TTC39C: variants seen among roughly 807,000 people sequenced by gnomAD.
TTC39C encodes the protein tetratricopeptide repeat protein 39C.
In TTC39C, 33 loss-of-function variants were observed where a neutral mutation model predicts 76.3. The ratio of observed to expected loss-of-function variants is 0.43; its 90% CI spans 0.33 to 0.58. The LOEUF (loss-of-function observed/expected upper bound fraction) is 0.58, where lower values mean the gene tolerates loss of function less well. Ranked by LOEUF, TTC39C falls within the 20% of genes least tolerant of loss-of-function variation. TTC39C has a pLI of 0.04. For missense variants in TTC39C, 595 were observed against 701.4 expected, an observed-to-expected ratio of 0.85 and a Z score of 1.71; for synonymous variants, 254 against 260.6, an observed-to-expected ratio of 0.97 and a Z score of 0.24.
chr18:24,041,537 G>A (rs919703755), intron 1 of TTC39C, among the ~76,000 whole-genome samples: 2 of 152,146 alleles, frequency 1.3e-5, no homozygotes, highest in Non-Finnish European at 2.9e-5. Context: ...CCTGGTTCAT[G>A]GTCTTTCAGG....
At chr18:24,021,263 C>G (rs572868911) in intron 1 of TTC39C, among the ~76,000 whole-genome samples, 2 of 152,136 alleles carry the variant, frequency 1.3e-5, no homozygotes, top group Non-Finnish European at 2.9e-5. Context: ...AAGAACTGGT[C>G]CCTGTCCTAC....
intron 1 of TTC39C, among the ~76,000 whole-genome samples, chr18:24,029,538 A>G (rs778141188): frequency 6.6e-6 from 1 of 152,360 alleles, no homozygotes; most frequent in Non-Finnish European, 1.5e-5. Flanking sequence ...TTTTGGGGGA[A>G]CAGGTAGTGT....
At chr18:24,130,956 G>A (rs924488303) in intron 12 of TTC39C, among the ~76,000 whole-genome samples, 3 of 139,552 alleles carry the variant, frequency 2.1e-5, no homozygotes, top group African/African-American at 7.9e-5. Context: ...GGCTGAGGTG[G>A]GAGTATCACT....
intron 6 of TTC39C, among the ~76,000 whole-genome samples, chr18:24,098,498 ATCCTC>A (rs2084624236): frequency 2.5e-5 from 1 of 40,046 alleles, no homozygotes; most frequent in Non-Finnish European, 4.3e-5. Context: ...CTCCTCTCCT[ATCCTC>A]TCCTCTCCCC....
chr18:24,099,986 C>T (rs7243626), intron 6 of TTC39C, among the ~76,000 whole-genome samples: 31,487 of 151,940 alleles, frequency 0.21, 4,145 homozygotes, highest in African/African-American at 0.37. Flanking sequence ...TTTGGATTAT[C>T]ATATTGGTTT....
chr18:24,004,730 G>A (rs900970088), intron 1 of TTC39C, among the ~76,000 whole-genome samples: 2 of 152,156 alleles, frequency 1.3e-5, no homozygotes, highest in Non-Finnish European at 2.9e-5. Context: ...GATTTACCAT[G>A]AAAATCATGC....
chr18:24,050,377 T>C (rs2083932642), intron 1 of TTC39C, among the ~76,000 whole-genome samples: 1 of 149,242 alleles, frequency 6.7e-6, no homozygotes, highest in Non-Finnish European at 1.5e-5. Context: ...CAAGGCCAGC[T>C]TGGACAACAC....
At chr18:24,019,865 G>GT (rs1568406691) in intron 1 of TTC39C, 1 of 1,526,956 alleles carries the variant, frequency 6.5e-7, no homozygotes, top group Admixed American at 2.1e-5. Flanking sequence ...TACAGAAAAA[G>GT]TTTTTTGACT....
intron 1 of TTC39C, chr18:24,020,014 A>G (rs1454710559): frequency 7.0e-7 from 1 of 1,425,716 alleles, no homozygotes. Context: ...CAGGCTGTCC[A>G]TGATTTCTAG....
intron 7 of TTC39C, 75 bp from the exon 8 acceptor site, chr18:24,118,050 A>T: frequency 8.7e-7 from 1 of 1,144,668 alleles, no homozygotes; most frequent in Non-Finnish European, 1.2e-6. Context: ...TCGCCATATC[A>T]GAGGCTCGTG....
At chr18:24,127,640 C>T (rs887076313) in intron 10 of TTC39C, among the ~76,000 whole-genome samples, 9 of 152,112 alleles carry the variant, frequency 5.9e-5, no homozygotes, top group Admixed American at 2.0e-4. Flanking sequence ...CCTCAGCCTC[C>T]TGAGTAGCTG....
At chr18:24,118,034 G>A (rs1156451662) in intron 7 of TTC39C, 91 bp from the exon 8 acceptor site, 4 of 945,172 alleles carry the variant, frequency 4.2e-6, no homozygotes, top group Non-Finnish European at 6.3e-6. Context: ...CATGCACAGA[G>A]AATGATCGCC....
At position 24,014,942 on chromosome 18, in the gene TTC39C, C is replaced by T; in HGVS notation, c.71C>T (p.Ala24Val). ...DGDSDAAAAA[A>V]APLQDAELAL... is the part of the protein sequence containing the mutation. ...GACTCGGACGCGGCAGCGGCGGCGG[C>T]GGCGCCCCTGCAGGACGCGGAGCTG... The change falls in exon 1 of 14, where the codon GCG (alanine) becomes GTG (valine). Residue 24 changes from alanine to valine, a missense_variant. Physicochemically the swap from Ala to Val is moderately conservative, Grantham distance 64. Coordinates refer to ENST00000317571, the MANE Select transcript of TTC39C (RefSeq NM_001135993.2). The T allele has an allele frequency of 2.0e-6, 3 of 1,525,952 alleles. No homozygotes were observed. The highest frequency in any genetic ancestry group is 2.5e-5 in the South Asian group (2 of 81,330). The allele number at this position is 1,525,952 out of a possible 1,614,324, so 94.5% of individuals were successfully genotyped here. A position where few individuals can be genotyped will look rare whatever the true frequency, so the allele number is the denominator to read the frequency against.
At chr18:24,098,031 T>A (rs1001016749) in intron 6 of TTC39C, among the ~76,000 whole-genome samples, 1 of 152,172 alleles carries the variant, frequency 6.6e-6, no homozygotes, top group Non-Finnish European at 1.5e-5. Context: ...ATGTCTTAAA[T>A]AAAACAAGAA....
Position 24,132,717 on chromosome 18 carries a change from T to C in TTC39C, c.*143T>C. The C allele has an allele frequency of 3.5e-6, 2 of 571,630 alleles. No individual in the cohort carries two copies. Among genetic ancestry groups the C allele is most frequent in the East Asian group, 3.1e-5 (1 of 32,566 alleles). The allele number at this position is 571,630 out of a possible 1,614,324, so 35.4% of individuals were successfully genotyped here. ...ACACATTTTCCCAGTTAAGCTGACA[T>C]ATTAAAGATCTCCTCTTTTAAACAT... On this transcript the variant is annotated 3_prime_UTR_variant, in exon 14 of 14. Transcript: ENST00000317571.
At chr18:24,096,361 T>A (rs888424598) in intron 6 of TTC39C, among the ~76,000 whole-genome samples, 2 of 152,248 alleles carry the variant, frequency 1.3e-5, no homozygotes, top group Non-Finnish European at 2.9e-5. Context: ...TTATATTTTC[T>A]GTCTATTACT....
intron 1 of TTC39C, among the ~76,000 whole-genome samples, chr18:24,045,930 T>TTA (rs2083874823): frequency 1.5e-5 from 1 of 68,346 alleles, no homozygotes; most frequent in Non-Finnish European, 2.6e-5. Context: ...TATATATATT[T>TTA]TTTTTTTTTT....
chr18:24,075,312 A>AAC (rs1895475056), intron 4 of TTC39C, among the ~76,000 whole-genome samples: 2 of 151,918 alleles, frequency 1.3e-5, no homozygotes, highest in African/African-American at 4.8e-5. Flanking sequence ...AAAAAAAAAA[A>AAC]GTCTGTTGGT....
intron 6 of TTC39C, among the ~76,000 whole-genome samples, chr18:24,109,930 C>G (rs946803655): frequency 3.3e-5 from 5 of 151,886 alleles, no homozygotes; most frequent in African/African-American, 1.2e-4. Flanking sequence ...CACTTGAACC[C>G]GGGAGGCAGA....
Sources: allele counts gnomAD v4.1 joint callset (sites outside exome capture counted in the v4.1 genomes callset), GRCh38; gene constraint gnomAD v4.1.1; transcripts MANE v1.5; gene names NCBI Gene and HGNC (gene_info 2026-07-23, HGNC 2026-07-21).